The following NLGN1 variants were observed in gnomAD, a reference collection of about 807,000 sequenced individuals.
The protein encoded by NLGN1 is neuroligin-1.
NLGN1 carries 12 observed loss-of-function variants against 65.5 expected under a neutral mutation model. The observed-to-expected ratio is 0.18, with a 90% CI of 0.12 to 0.30. The LOEUF (loss-of-function observed/expected upper bound fraction) is 0.30, where lower values mean the gene tolerates loss of function less well. Ranked by LOEUF, NLGN1 falls within the 10% of genes least tolerant of loss-of-function variation. The probability of loss-of-function intolerance (pLI) is 1.00; values close to 1 mark genes in which losing one functional copy is unlikely to be tolerated. For synonymous variants in NLGN1, 350 were observed against 359.5 expected, an observed-to-expected ratio of 0.97 and a Z score of 0.30; for missense variants, 750 against 1,007.1, an observed-to-expected ratio of 0.74 and a Z score of 3.46.
intron 3 of NLGN1, among the ~76,000 whole-genome samples, chr3:173,697,778 C>T (rs1225530153): frequency 6.6e-6 from 1 of 152,124 alleles, no homozygotes; most frequent in Non-Finnish European, 1.5e-5. Context: ...GATCCACCCG[C>T]CTCGGCCTCC....
chr3:173,513,520 C>T (rs1733323816), intron 2 of NLGN1, among the ~76,000 whole-genome samples: 1 of 152,116 alleles, frequency 6.6e-6, no homozygotes, highest in Non-Finnish European at 1.5e-5. Flanking sequence ...GCCCTGTAAC[C>T]TCACTTCTCT....
chr3:174,120,404 G>A (rs2152643778), intron 4 of NLGN1, among the ~76,000 whole-genome samples: 1 of 152,218 alleles, frequency 6.6e-6, no homozygotes, highest in East Asian at 1.9e-4. Flanking sequence ...CTACTTGGGA[G>A]GCTGAGGCAG....
chr3:174,259,872 C>A (rs1746529385), intron 4 of NLGN1, among the ~76,000 whole-genome samples: 1 of 133,712 alleles, frequency 7.5e-6, no homozygotes, highest in South Asian at 2.4e-4. Context: ...GTGTAATATT[C>A]CCCTTCCTGT....
intron 4 of NLGN1, among the ~76,000 whole-genome samples, chr3:174,079,073 TAA>T (rs1741601248): frequency 6.6e-6 from 1 of 152,084 alleles, no homozygotes; most frequent in Non-Finnish European, 1.5e-5. Flanking sequence ...TGCATTTGGC[TAA>T]AGACTGTATA....
intron 4 of NLGN1, among the ~76,000 whole-genome samples, chr3:173,993,159 C>T (rs773545199): frequency 2.6e-5 from 4 of 152,038 alleles, no homozygotes; most frequent in South Asian, 2.1e-4. Flanking sequence ...TCTCGTTATG[C>T]GTGGTCTATA....
chr3:173,880,957 A>G (rs1426719177), intron 4 of NLGN1, among the ~76,000 whole-genome samples: 9 of 152,186 alleles, frequency 5.9e-5, no homozygotes, highest in Admixed American at 5.9e-4. Flanking sequence ...CTATATGCAC[A>G]GCATCTATAC....
chr3:173,847,991 T>A (rs1398403700), intron 4 of NLGN1, among the ~76,000 whole-genome samples: 1 of 152,208 alleles, frequency 6.6e-6, no homozygotes. Flanking sequence ...ACAAATATAT[T>A]CGTTTTCCCT....
chr3:174,141,459 AT>A (rs1207643615), intron 4 of NLGN1, among the ~76,000 whole-genome samples: 1 of 152,206 alleles, frequency 6.6e-6, no homozygotes, highest in Non-Finnish European at 1.5e-5. Flanking sequence ...GGGTGCATGT[AT>A]GGGAAATTTG....
chr3:174,191,817 G>T (rs1303613950), intron 4 of NLGN1, among the ~76,000 whole-genome samples: 1 of 149,448 alleles, frequency 6.7e-6, no homozygotes, highest in Admixed American at 6.7e-5. Context: ...GTTTGTTTTT[G>T]TCTTTGTTTT....
At chr3:173,993,779 T>A (rs190437825) in intron 4 of NLGN1, among the ~76,000 whole-genome samples, 158 of 152,096 alleles carry the variant, frequency 1.0e-3, no homozygotes, top group African/African-American at 3.5e-3. Flanking sequence ...TGTATATATA[T>A]ATAAATGGTA....
At chr3:173,923,348 A>G (rs560525738) in intron 4 of NLGN1, among the ~76,000 whole-genome samples, 1 of 152,292 alleles carries the variant, frequency 6.6e-6, no homozygotes, top group East Asian at 1.9e-4. Flanking sequence ...CAGCATTTCT[A>G]AAGGAATTGA....
chr3:173,969,394 G>A (rs1257478852), intron 4 of NLGN1, among the ~76,000 whole-genome samples: 1 of 151,788 alleles, frequency 6.6e-6, no homozygotes, highest in African/African-American at 2.4e-5. Context: ...TAATTAGCTA[G>A]GTATTTTATA....
chr3:173,971,803 G>A (rs979330842), intron 4 of NLGN1, among the ~76,000 whole-genome samples: 3 of 151,952 alleles, frequency 2.0e-5, no homozygotes, highest in African/African-American at 2.4e-5. Flanking sequence ...AATGTGTCAG[G>A]GCCAAGGATA....
At chr3:173,930,708 A>G (rs1743936399) in intron 4 of NLGN1, among the ~76,000 whole-genome samples, 1 of 152,192 alleles carries the variant, frequency 6.6e-6, no homozygotes, top group South Asian at 2.1e-4. Context: ...TCGGAAGTCC[A>G]GTCTTCATAA....
At chr3:173,989,223 C>T (rs921145647) in intron 4 of NLGN1, among the ~76,000 whole-genome samples, 1 of 152,120 alleles carries the variant, frequency 6.6e-6, no homozygotes, top group Non-Finnish European at 1.5e-5. Flanking sequence ...ACATTCCTTA[C>T]CATTGGGCAA....
chr3:173,760,103 A>C (rs1416695919), intron 3 of NLGN1, among the ~76,000 whole-genome samples: 1 of 151,966 alleles, frequency 6.6e-6, no homozygotes, highest in Non-Finnish European at 1.5e-5. Flanking sequence ...GTGGCTTTAA[A>C]TTTTTGCATT....
At chr3:173,672,285 G>A (rs1382059986) in intron 3 of NLGN1, among the ~76,000 whole-genome samples, 1 of 152,194 alleles carries the variant, frequency 6.6e-6, no homozygotes, top group Non-Finnish European at 1.5e-5. Context: ...GGATTTATGT[G>A]CTATCTTGCT....
At chr3:173,512,378 G>C (rs1733119864) in intron 2 of NLGN1, among the ~76,000 whole-genome samples, 1 of 152,190 alleles carries the variant, frequency 6.6e-6, no homozygotes, top group South Asian at 2.1e-4. Flanking sequence ...TCAGTAGAGA[G>C]GGGAGCTGGA....
intron 4 of NLGN1, among the ~76,000 whole-genome samples, chr3:174,027,002 G>T (rs753092696): frequency 2.7e-5 from 4 of 150,280 alleles, no homozygotes; most frequent in Non-Finnish European, 5.9e-5. Context: ...GGTGTTCAAG[G>T]ACAACACAGC....
Sources: allele counts gnomAD v4.1 joint callset (sites outside exome capture counted in the v4.1 genomes callset), GRCh38; gene constraint gnomAD v4.1.1; transcripts MANE v1.5; gene names NCBI Gene and HGNC (gene_info 2026-07-23, HGNC 2026-07-21).